The following SGMS1 variants were observed in gnomAD, a reference collection of about 807,000 sequenced individuals.
The protein encoded by SGMS1 is phosphatidylcholine:ceramide cholinephosphotransferase 1.
Under a neutral mutation model 46.2 loss-of-function variants are expected in SGMS1, and 13 were observed. The observed-to-expected ratio is 0.28, with a 90% confidence interval of 0.18 to 0.45. The LOEUF is 0.45. Among genes scored for constraint, SGMS1 ranks in the 20% least tolerant of loss-of-function variants. SGMS1 has a pLI of 1.00. For missense variants in SGMS1, 324 were observed against 519.9 expected (o/e 0.62, Z 3.66); for synonymous variants, 203 against 187.8 (o/e 1.08, Z -0.66).
At chr10:50,566,173 G>T (rs1005998955) in intron 2 of SGMS1, among the ~76,000 whole-genome samples, 1 of 152,182 alleles carries the variant, frequency 6.6e-6, no homozygotes, top group African/African-American at 2.4e-5. Flanking sequence ...TGCAGGAGAT[G>T]ACAAAAATAA....
At chr10:50,355,283 C>T (rs1281489077) in intron 6 of SGMS1, among the ~76,000 whole-genome samples, 1 of 152,146 alleles carries the variant, frequency 6.6e-6, no homozygotes, top group African/African-American at 2.4e-5. Context: ...ACCCTCTTCC[C>T]TCTTCCCTCT....
intron 6 of SGMS1, among the ~76,000 whole-genome samples, chr10:50,417,861 C>T (rs770489896): frequency 6.6e-6 from 1 of 152,200 alleles, no homozygotes; most frequent in Non-Finnish European, 1.5e-5. Flanking sequence ...CATATCCTGA[C>T]CCACTGCTTC....
intron 6 of SGMS1, among the ~76,000 whole-genome samples, chr10:50,417,167 C>G (rs912210209): frequency 2.0e-5 from 3 of 152,154 alleles, no homozygotes; most frequent in Non-Finnish European, 4.4e-5. Context: ...CAGGATTCCA[C>G]TTTCCCTGTC....
intron 2 of SGMS1, among the ~76,000 whole-genome samples, chr10:50,532,225 CTGTGTGTGTG>C (rs71029313): frequency 0.064 from 8,370 of 130,530 alleles, 313 homozygotes; most frequent in Non-Finnish European, 0.086. Flanking sequence ...CTGAATGAGA[CTGTGTGTGTG>C]TGTGTGTGTG....
chr10:50,359,087 C>A (rs997431721), intron 6 of SGMS1, among the ~76,000 whole-genome samples: 1 of 152,190 alleles, frequency 6.6e-6, no homozygotes, highest in Admixed American at 6.5e-5. Flanking sequence ...AAATCATCCC[C>A]TATGAAATGG....
At chr10:50,335,856 T>A (rs1405577373) in intron 7 of SGMS1, 1 of 152,220 alleles carries the variant, frequency 6.6e-6, no homozygotes, top group Non-Finnish European at 1.5e-5. Flanking sequence ...AGATGATAAT[T>A]TGGTTTGTCT....
intron 6 of SGMS1, among the ~76,000 whole-genome samples, chr10:50,352,929 A>G (rs1035219345): frequency 1.3e-5 from 2 of 152,326 alleles, no homozygotes; most frequent in East Asian, 3.9e-4. Flanking sequence ...CAGGCTCTGA[A>G]ATTGAGGCAA....
chr10:50,573,427 C>T (rs933132503), intron 2 of SGMS1, among the ~76,000 whole-genome samples: 4 of 152,162 alleles, frequency 2.6e-5, no homozygotes, highest in African/African-American at 9.7e-5. Context: ...CTAAGAACAA[C>T]TCATTTACAG....
intron 6 of SGMS1, among the ~76,000 whole-genome samples, chr10:50,385,008 G>A (rs1218319219): frequency 6.6e-6 from 1 of 151,978 alleles, no homozygotes; most frequent in East Asian, 1.9e-4. Context: ...CTGCTAATAC[G>A]TGGCAGTTCC....
chr10:50,322,809 G>A (rs928271304), intron 8 of SGMS1, among the ~76,000 whole-genome samples: 5 of 144,500 alleles, frequency 3.5e-5, no homozygotes, highest in Admixed American at 6.9e-5. Flanking sequence ...TCCGCAGTCC[G>A]GCCTGGGCGA....
chr10:50,614,733 T>C (rs1442493862), intron 1 of SGMS1, among the ~76,000 whole-genome samples: 3 of 152,250 alleles, frequency 2.0e-5, no homozygotes, highest in African/African-American at 7.2e-5. Context: ...GGCTAACCTG[T>C]GTATTACAAC....
At chr10:50,441,917 C>A (rs1380230056) in intron 5 of SGMS1, among the ~76,000 whole-genome samples, 1 of 152,206 alleles carries the variant, frequency 6.6e-6, no homozygotes, top group African/African-American at 2.4e-5. Flanking sequence ...ATACTACCCA[C>A]AACTTGGTAA....
intron 1 of SGMS1, among the ~76,000 whole-genome samples, chr10:50,617,568 T>C (rs541470413): frequency 3.3e-5 from 5 of 152,234 alleles, no homozygotes; most frequent in Non-Finnish European, 7.4e-5. Context: ...AAGTTACAAC[T>C]CTTATTTTTA....
intron 5 of SGMS1, among the ~76,000 whole-genome samples, chr10:50,445,410 G>A (rs1285964127): frequency 3.3e-5 from 5 of 152,158 alleles, no homozygotes; most frequent in East Asian, 1.9e-4. Flanking sequence ...CAAATGTTGC[G>A]GGAAGTCAGG....
chr10:50,568,428 C>G (rs941307664), intron 2 of SGMS1, among the ~76,000 whole-genome samples: 1 of 152,234 alleles, frequency 6.6e-6, no homozygotes, highest in African/African-American at 2.4e-5. Context: ...TGTCTACCCT[C>G]CAGTTGCCTA....
At chr10:50,611,549 C>A (rs1838749594) in intron 1 of SGMS1, among the ~76,000 whole-genome samples, 1 of 152,212 alleles carries the variant, frequency 6.6e-6, no homozygotes, top group African/African-American at 2.4e-5. Context: ...GCATTACTAC[C>A]TCACCAGTGT....
chr10:50,529,397 GT>G (rs1234951907), intron 2 of SGMS1, among the ~76,000 whole-genome samples: 1 of 152,112 alleles, frequency 6.6e-6, no homozygotes, highest in Non-Finnish European at 1.5e-5. Flanking sequence ...ACAATGCTAG[GT>G]AAACTTAGGC....
At position 50,397,824 on chromosome 10, in the gene SGMS1, G is replaced by A. The variant is rs142004743; in HGVS notation, c.-232+35652C>T. Among the ~76,000 whole-genome samples, 231 of 152,300 alleles carry A rather than the reference G, an allele frequency of 1.5e-3. 1 individual carries two copies. Among genetic ancestry groups the A allele is most frequent in the African/African-American group, 4.8e-3 (200 of 41,560 alleles). On this transcript the variant is annotated intron_variant, in intron 6 of 10. Coordinates refer to ENST00000361781, the MANE Select transcript of SGMS1 (RefSeq NM_147156.4). ...AAGAAAAGCTTTTTCCTCTTGAGGT[G>A]TTAATTACTGATTTTAAATAAGTCA...
chr10:50,372,586 C>T (rs1162861847), intron 6 of SGMS1, among the ~76,000 whole-genome samples: 4 of 151,746 alleles, frequency 2.6e-5, no homozygotes, highest in East Asian at 1.9e-4. Flanking sequence ...CCCAGCTACT[C>T]GGAGGCTGAG....
Sources: allele counts gnomAD v4.1 joint callset (sites outside exome capture counted in the v4.1 genomes callset), GRCh38; gene constraint gnomAD v4.1.1; transcripts MANE v1.5; gene names NCBI Gene and HGNC (gene_info 2026-07-23, HGNC 2026-07-21).